ANK2: variants seen among roughly 807,000 people sequenced by gnomAD.
ANK2 encodes the protein ankyrin-2.
Under a neutral mutation model 360.5 loss-of-function variants are expected in ANK2, and 83 were observed. The ratio of observed to expected loss-of-function variants is 0.23; its 90% CI spans 0.19 to 0.28. ANK2 has a LOEUF of 0.28. ANK2 is among the 10% of genes least tolerant of loss of function. The pLI is 1.00. For synonymous variants in ANK2, 1,740 were observed against 1,759.5 expected (o/e 0.99, Z 0.28); for missense variants, 4,201 against 4,795.7 (o/e 0.88, Z 3.66).
At chr4:113,168,847 A>G (rs2097846425) in intron 1 of ANK2, among the ~76,000 whole-genome samples, 1 of 152,210 alleles carries the variant, frequency 6.6e-6, no homozygotes, top group African/African-American at 2.4e-5. Context: ...CAGTCCTTGG[A>G]CAGAAGTATA....
chr4:113,257,468 A>G (rs1306828522), intron 11 of ANK2, among the ~76,000 whole-genome samples: 1 of 152,192 alleles, frequency 6.6e-6, no homozygotes, highest in Non-Finnish European at 1.5e-5. Context: ...TCTCATTGGC[A>G]TATATGTTAT....
Position 113,156,371 on chromosome 4 carries a change from C to CTTTTTTTTTTTTTTTTTTTTTTT in ANK2, c.85-18035_85-18034insTTTTTTTTTTTTTTTTTTTTTTT, listed in dbSNP as rs150536846. Among the ~76,000 whole-genome samples the CTTTTTTTTTTTTTTTTTTTTTTT allele has an allele frequency of 6.2e-3, 795 of 128,170 alleles. 9 individuals are homozygous for CTTTTTTTTTTTTTTTTTTTTTTT. The highest frequency in any genetic ancestry group is 8.7e-3 in the Non-Finnish European group (534 of 61,284). The allele number at this position is 128,170 out of a possible 152,430, so 84.1% of individuals were successfully genotyped here. A position where few individuals can be genotyped will look rare whatever the true frequency, so the allele number is the denominator to read the frequency against. ...CGTATAGAGTATATGTAGAAAAATT[C>CTTTTTTTTTTTTTTTTTTTTTTT]TTTTTTTTTTGTTTTTGAGACAGAG... On this transcript the variant is annotated intron_variant, in intron 1 of 45. Transcript: ENST00000357077.
intron 41 of ANK2, among the ~76,000 whole-genome samples, chr4:113,367,293 A>G (rs764924211): frequency 4.6e-5 from 7 of 151,740 alleles, no homozygotes; most frequent in African/African-American, 7.3e-5. Context: ...CCAAATTCTA[A>G]CCCCATGTTA....
intron 1 of ANK2, among the ~76,000 whole-genome samples, chr4:112,854,472 CT>C (rs2065836815): frequency 6.6e-6 from 1 of 152,088 alleles, no homozygotes; most frequent in South Asian, 2.1e-4. Context: ...AGGGATATCA[CT>C]TTGATAGTAG....
In ANK2 at chr4:112,999,986, T is replaced by G. The variant is rs565457713; in HGVS notation, c.21+95472T>G. Among the ~76,000 whole-genome samples, 3 of 152,294 alleles carry G rather than the reference T, an allele frequency of 2.0e-5. No individual in the cohort carries two copies. In the South Asian group the frequency reaches 6.2e-4, roughly 32 times the overall value. ...GCTAGGAGCCTACACATGTAACTCATGAAAGACAGATTAACACAAGAAAAG... is the reference window on the plus strand; with the variant it reads ...GCTAGGAGCCTACACATGTAACTCAGGAAAGACAGATTAACACAAGAAAAG... On this transcript the variant is annotated intron_variant, in intron 2 of 30. Transcript: ENST00000503271.
chr4:112,744,383 G>A, the ANK2 span, among the ~76,000 whole-genome samples: 2 of 136,580 alleles, frequency 1.5e-5, no homozygotes. Context: ...GTCTTGCTCT[G>A]TTGCCCAGGT....
chr4:113,342,553 A>G (rs1196546668), intron 33 of ANK2, among the ~76,000 whole-genome samples: 1 of 152,196 alleles, frequency 6.6e-6, no homozygotes, highest in Non-Finnish European at 1.5e-5. Context: ...ATACAAAATT[A>G]GCTGGGCGTG....
At chr4:112,735,072 A>G in the ANK2 span, among the ~76,000 whole-genome samples, 4 of 152,224 alleles carry the variant, frequency 2.6e-5, no homozygotes, top group Non-Finnish European at 4.4e-5. Flanking sequence ...CACTGGAAAT[A>G]TAACTCTAAC....
At chr4:113,298,868 AT>A (rs2073395761) in intron 22 of ANK2, among the ~76,000 whole-genome samples, 1 of 152,214 alleles carries the variant, frequency 6.6e-6, no homozygotes. Context: ...TTCAAAGGAC[AT>A]TTTGTTTAAA....
intron 2 of ANK2, among the ~76,000 whole-genome samples, chr4:112,948,486 G>A (rs1046859317): frequency 6.6e-6 from 1 of 152,144 alleles, no homozygotes; most frequent in South Asian, 2.1e-4. Flanking sequence ...ACAGATCAAT[G>A]AGCCAGAACA....
intron 1 of ANK2, among the ~76,000 whole-genome samples, chr4:112,849,654 AATGTCTAAATGTCTCTAAGATCT>A (rs2064166008): frequency 2.6e-5 from 4 of 152,178 alleles, no homozygotes; most frequent in Non-Finnish European, 4.4e-5. Context: ...GCTGTCCAGA[AATGTCTAAATGTCTCTAAGATCT>A]ATCTTTAATT....
intron 24 of ANK2, among the ~76,000 whole-genome samples, chr4:113,315,226 G>A (rs1318363284): frequency 6.6e-6 from 1 of 152,148 alleles, no homozygotes; most frequent in Non-Finnish European, 1.5e-5. Context: ...CTGATATACC[G>A]ATTGCAAAGT....
At chr4:113,262,580 T>C (rs1257198829) in intron 13 of ANK2, among the ~76,000 whole-genome samples, 1 of 152,086 alleles carries the variant, frequency 6.6e-6, no homozygotes, top group Non-Finnish European at 1.5e-5. Context: ...GTAGCTTCTG[T>C]ATCAGTGGGT....
intron 33 of ANK2, 131 bp downstream of exon 33, chr4:113,342,047 TA>T: frequency 1.0e-6 from 1 of 989,754 alleles, no homozygotes; most frequent in Non-Finnish European, 1.5e-6. Flanking sequence ...TTTGGTCAGT[TA>T]GAAGGTCAAC....
intron 1 of ANK2, among the ~76,000 whole-genome samples, chr4:113,099,974 C>T (rs2092538487): frequency 6.6e-6 from 1 of 151,822 alleles, no homozygotes. Flanking sequence ...AAAAGTGATG[C>T]AAAATGGATC....
rs45608232 is a variant in ANK2, at chr4:113,365,159, C to T, written c.11009C>T (p.Thr3670Ile). The change falls in exon 41 of 46, where the codon ACC becomes ATC. Residue 3670 changes from threonine (T) to isoleucine (I), a missense_variant. Thr to Ile is a moderately conservative substitution (Grantham distance 89). Transcript: ENST00000357077. ...CATAGTTATGCAGAAATTGAACAGA[C>T]CATTACACTGGATCATAGTGAAGGT... The part of the protein sequence containing the change: ...ISHSYAEIEQ[T>I]ITLDHSEGFS... 1.2e-6 allele frequency: 2 copies of T among 1,613,348 alleles called. No individual in the cohort carries two copies. Among genetic ancestry groups the T allele is most frequent in the Non-Finnish European group, 1.7e-6 (2 of 1,179,814 alleles).
chr4:112,957,007 GTTTTTTTTTT>G (rs56066718), intron 2 of ANK2, among the ~76,000 whole-genome samples: 4 of 66,484 alleles, frequency 6.0e-5, no homozygotes, highest in South Asian at 5.7e-4. Flanking sequence ...TATTGCTCTT[GTTTTTTTTTT>G]TTTTTTTTTT....
intron 9 of ANK2, among the ~76,000 whole-genome samples, chr4:113,245,018 A>G (rs935131591): frequency 6.6e-5 from 10 of 152,088 alleles, no homozygotes; most frequent in Admixed American, 5.9e-4. Flanking sequence ...TCTATCATTG[A>G]TGGGCATTTG....
At chr4:113,161,406 A>C (rs75624381) in intron 1 of ANK2, among the ~76,000 whole-genome samples, 1,672 of 152,302 alleles carry the variant, frequency 0.011, 23 homozygotes, top group African/African-American at 0.038. Context: ...ACTATAATTA[A>C]TCAAACACCT....
Sources: gnomAD v4.1 joint callset for allele counts (sites outside exome capture counted in the v4.1 genomes callset) on GRCh38, gnomAD v4.1.1 for gene constraint, MANE v1.5 for transcripts, NCBI Gene and HGNC (gene_info 2026-07-23, HGNC 2026-07-21) for gene names.